Variants in PCDHA5 observed in about 807,000 individuals in gnomAD.
PCDHA5 encodes the protein protocadherin alpha 5.
A neutral mutation model predicts 61.6 loss-of-function variants in PCDHA5; 43 were observed. That is an observed-to-expected ratio of 0.70 (90% CI 0.55 to 0.90). The LOEUF (loss-of-function observed/expected upper bound fraction) is 0.90, where lower values mean the gene tolerates loss of function less well. PCDHA5 is among the 40% of genes least tolerant of loss of function. The pLI, the probability that PCDHA5 is intolerant of heterozygous loss-of-function variation, is 0.00. For synonymous variants in PCDHA5, 627 were observed against 543.9 expected, an observed-to-expected ratio of 1.15 and a Z score of -2.13; for missense variants, 1,298 against 1,222.7, an observed-to-expected ratio of 1.06 and a Z score of -0.92.
At chr5:141,008,428 T>C (rs2098376052) in intron 3 of PCDHA5, among the ~76,000 whole-genome samples, 1 of 152,182 alleles carries the variant, frequency 6.6e-6, no homozygotes, top group Admixed American at 6.5e-5. Flanking sequence ...TGGGATCACT[T>C]TGCCCAGACA....
chr5:140,974,680 T>C (rs2096636478), intron 1 of PCDHA5, among the ~76,000 whole-genome samples: 1 of 152,074 alleles, frequency 6.6e-6, no homozygotes, highest in African/African-American at 2.4e-5. Flanking sequence ...CCTGGCTAAT[T>C]TTGTATTTTT....
intron 1 of PCDHA5, chr5:140,857,881 G>T: frequency 6.3e-7 from 1 of 1,597,760 alleles, no homozygotes; most frequent in Non-Finnish European, 8.6e-7. Context: ...ATGAATTGCA[G>T]TCGGCGGCGG....
intron 3 of PCDHA5, among the ~76,000 whole-genome samples, chr5:141,006,384 T>G (rs181638891): frequency 6.6e-6 from 1 of 152,126 alleles, no homozygotes; most frequent in African/African-American, 2.4e-5. Flanking sequence ...GCTAAGTTTT[T>G]TCTATTTTTT....
chr5:140,988,097 C>T (rs2097282934), intron 3 of PCDHA5, among the ~76,000 whole-genome samples: 1 of 152,084 alleles, frequency 6.6e-6, no homozygotes, highest in Admixed American at 6.5e-5. Flanking sequence ...AGCCTCGGGC[C>T]TTGTTGGAGA....
At chr5:140,889,231 T>G (rs1456128446) in intron 1 of PCDHA5, among the ~76,000 whole-genome samples, 2 of 151,912 alleles carry the variant, frequency 1.3e-5, no homozygotes, top group Non-Finnish European at 2.9e-5. Flanking sequence ...TTTGAAAACT[T>G]CCAGAAAATT....
rs560121926 is a variant in PCDHA5 at position 140,949,352 on chromosome 5, T to A, written c.2353-29597T>A. Among the ~76,000 whole-genome samples, 6 of 151,992 alleles carry A rather than the reference T, an allele frequency of 3.9e-5. No individual in the cohort carries two copies. The South Asian group carries it at 1.2e-3, about 31-fold the overall frequency. On this transcript the variant is annotated intron_variant, in intron 1 of 3. Transcript: ENST00000529859. Reference sequence around the variant, plus strand: ...TTGTTATCCAGATTTTCTGTGTCTTTATTTTTTTGTCTAGTTGTCCTATCA... The same window carrying A: ...TTGTTATCCAGATTTTCTGTGTCTTAATTTTTTTGTCTAGTTGTCCTATCA...
chr5:140,964,759 G>T (rs1419505922), intron 1 of PCDHA5, among the ~76,000 whole-genome samples: 6 of 151,804 alleles, frequency 4.0e-5, no homozygotes, highest in Non-Finnish European at 7.4e-5. Context: ...GATGTTTGGG[G>T]AGGATGCAGA....
At chr5:140,826,364 C>T (rs1768919207) in intron 1 of PCDHA5, among the ~76,000 whole-genome samples, 1 of 152,040 alleles carries the variant, frequency 6.6e-6, no homozygotes, top group Non-Finnish European at 1.5e-5. Context: ...AAAATAACTG[C>T]AATAGAAAGT....
Position 140,855,567 on chromosome 5 carries a change from G to A in PCDHA5, c.2352+31440G>A, listed in dbSNP as rs568752755. Among the ~76,000 whole-genome samples the A allele has an allele frequency of 4.8e-4, 72 of 149,884 alleles. 4 individuals carry two copies. In the South Asian group the frequency reaches 0.014, roughly 30 times the overall value. ...TCAGAACTTAAATGGAACTAAAGTT[G>A]TCATTTAATAAAATATTAGTATACT... On this transcript the variant is annotated intron_variant, in intron 1 of 3. Coordinates refer to ENST00000529859, the MANE Select transcript of PCDHA5 (RefSeq NM_018908.3).
Position 140,822,130 on chromosome 5 carries a change from G to A in PCDHA5, c.355G>A (p.Glu119Lys), listed in dbSNP as rs1554128458. 6.2e-7 allele frequency: 1 copy of A among 1,614,268 alleles called. No homozygotes were observed. The highest frequency in any genetic ancestry group is 8.5e-7 in the Non-Finnish European group (1 of 1,180,052). Residue 119 changes from glutamate (E) to lysine (K), a missense_variant, in exon 1 of 4, where the codon GAG becomes AAG. Transcript: ENST00000529859. ...VDRPLQVFHVEVAVKDINDNP... is the reference protein window; with the variant it reads ...VDRPLQVFHVKVAVKDINDNP... ...CAGGCCGCTGCAGGTTTTCCATGTG[G>A]AGGTGGCAGTGAAGGACATCAATGA...
At chr5:140,968,419 T>C (rs372766707) in intron 1 of PCDHA5, 37 of 1,613,898 alleles carry the variant, frequency 2.3e-5, no homozygotes, top group Non-Finnish European at 3.0e-5. Context: ...CTGTGGAGGC[T>C]CAGGACAAGG....
At chr5:140,839,920 T>G (rs1182223530) in intron 1 of PCDHA5, among the ~76,000 whole-genome samples, 1 of 151,984 alleles carries the variant, frequency 6.6e-6, no homozygotes, top group Non-Finnish European at 1.5e-5. Context: ...AGAAAAACCT[T>G]GAACAAAGAG....
At chr5:140,984,784 A>G (rs1022121650) in intron 3 of PCDHA5, among the ~76,000 whole-genome samples, 4 of 152,168 alleles carry the variant, frequency 2.6e-5, no homozygotes, top group Non-Finnish European at 4.4e-5. Context: ...TTGCTGGGTG[A>G]GCATAGACAA....
intron 1 of PCDHA5, among the ~76,000 whole-genome samples, chr5:140,913,431 C>G (rs1554195920): frequency 6.6e-6 from 1 of 152,036 alleles, no homozygotes; most frequent in African/African-American, 2.4e-5. Flanking sequence ...AGTTGTAATG[C>G]CTCCTTTTTC....
At chr5:140,982,237 G>T (rs2096973071) in intron 2 of PCDHA5, 1 of 665,404 alleles carries the variant, frequency 1.5e-6, no homozygotes, top group East Asian at 3.5e-5. Context: ...AAACAGAATT[G>T]CCATAAAGAT....
intron 1 of PCDHA5, among the ~76,000 whole-genome samples, chr5:140,933,480 G>A (rs1255769578): frequency 6.6e-6 from 1 of 151,846 alleles, no homozygotes; most frequent in East Asian, 1.9e-4. Context: ...ACACATTATG[G>A]TTATTCTTTA....
chr5:140,865,412 A>C (rs1347341740), intron 1 of PCDHA5: 2 of 152,242 alleles, frequency 1.3e-5, no homozygotes, highest in Non-Finnish European at 2.9e-5. Context: ...AAAAGGAATT[A>C]GTAGTGTCTA....
At chr5:140,858,133 C>A in intron 1 of PCDHA5, 2 of 1,597,688 alleles carry the variant, frequency 1.3e-6, no homozygotes, top group Non-Finnish European at 1.7e-6. Context: ...TGGATGTCAA[C>A]GTGTACCTGA....
chr5:140,927,959 G>A lies in PCDHA5; in HGVS notation c.2353-50990G>A. On this transcript the variant is annotated intron_variant, in intron 1 of 3. Transcript: ENST00000529859. ...CCAGTACCTGAGGACGCTGCCCCTG[G>A]CACAGTGATTGCTCTCTTTAGTGTA... 1 of 1,614,190 alleles carries A rather than the reference G, an allele frequency of 6.2e-7. No individual in the cohort carries two copies. Among genetic ancestry groups the A allele is most frequent in the East Asian group, 2.2e-5 (1 of 44,886 alleles).
Sources: allele counts gnomAD v4.1 joint callset (sites outside exome capture counted in the v4.1 genomes callset), GRCh38; gene constraint gnomAD v4.1.1; transcripts MANE v1.5; gene names NCBI Gene and HGNC (gene_info 2026-07-23, HGNC 2026-07-21).